The following COL4A2 variants were observed in gnomAD, a reference collection of about 807,000 sequenced individuals.
The protein encoded by COL4A2 is collagen type IV alpha 2 chain, also known as collagen alpha-2(IV) chain.
COL4A2 carries 99 observed loss-of-function variants against 200.2 expected under a neutral mutation model. The observed-to-expected ratio is 0.49, with a 90% CI of 0.42 to 0.58. COL4A2 has a LOEUF of 0.58. Among genes scored for constraint, COL4A2 ranks in the 20% least tolerant of loss-of-function variants. The pLI is 0.00. For missense variants in COL4A2, 1,950 were observed against 2,314.1 expected, an observed-to-expected ratio of 0.84 and a Z score of 3.23; for synonymous variants, 897 against 900.6, an observed-to-expected ratio of 1.00 and a Z score of 0.07.
rs10624085 is a variant in COL4A2, at chr13:110,480,014, T to TCAAC, written c.2588-204_2588-201dup. Among the ~76,000 whole-genome samples the TCAAC allele has an allele frequency of 0.81, 122,125 of 151,704 alleles. 49,243 individuals are homozygous for TCAAC. The highest frequency in any genetic ancestry group is 0.89 in the Middle Eastern group (263 of 294). On this transcript the variant is annotated intron_variant, in intron 30 of 47. Transcript: ENST00000360467. ...TGGCTGGCACCCCGCCAGCACAGCCTCAACCTCCAGATACAGACCTCTCCA... is the reference window on the plus strand; with the variant it reads ...TGGCTGGCACCCCGCCAGCACAGCCTCAACCAACCTCCAGATACAGACCTCTCCA...
intron 3 of COL4A2, among the ~76,000 whole-genome samples, chr13:110,338,612 A>T (rs903937246): frequency 6.6e-6 from 1 of 152,228 alleles, no homozygotes; most frequent in Non-Finnish European, 1.5e-5. Context: ...GGGATGGTTT[A>T]TCTGGAAGAT....
At chr13:110,504,296 T>C (rs562279400) in intron 45 of COL4A2, 32 bp downstream of exon 45, 2 of 1,534,806 alleles carry the variant, frequency 1.3e-6, no homozygotes, top group African/African-American at 1.4e-5. Context: ...CCTTCCCAGG[T>C]CCTAGTGCTC....
chr13:110,493,424 G>C (rs531588117), intron 39 of COL4A2, 142 bp downstream of exon 39: 5 of 802,810 alleles, frequency 6.2e-6, no homozygotes, highest in South Asian at 1.7e-5. Flanking sequence ...GCGATCGGCC[G>C]TGAGGGGCGG....
Position 110,473,258 on chromosome 13 carries a change from T to C in COL4A2, c.2425+108T>C, listed in dbSNP as rs1882552187. 1.5e-5 allele frequency: 16 copies of C among 1,054,022 alleles called. No individual in the cohort carries two copies. In the South Asian group the frequency reaches 2.5e-4, roughly 16 times the overall value. 65.3% of individuals were successfully genotyped at this position (1,054,022 alleles called of 1,614,324 possible). A position where few individuals can be genotyped will look rare whatever the true frequency, so the allele number is the denominator to read the frequency against. On this transcript the variant is annotated intron_variant, in intron 29 of 47. Transcript: ENST00000360467. ...TTTGGTAGGAAGCAGCGGTGCCCTA[T>C]AGTGCTAGCCATGCGTACCTTCTCC...
At chr13:110,338,324 A>G (rs553402222) in intron 3 of COL4A2, among the ~76,000 whole-genome samples, 5 of 152,184 alleles carry the variant, frequency 3.3e-5, no homozygotes, top group Middle Eastern at 3.4e-3. Context: ...TGCAATGGAA[A>G]ACAGTGAGGG....
intron 3 of COL4A2, among the ~76,000 whole-genome samples, chr13:110,326,968 G>A (rs1010975417): frequency 5.3e-5 from 8 of 152,230 alleles, no homozygotes; most frequent in Non-Finnish European, 1.2e-4. Context: ...CCTGTTTAAT[G>A]TATCCCCTCC....
intron 4 of COL4A2, among the ~76,000 whole-genome samples, chr13:110,396,130 T>C (rs1879172377): frequency 6.6e-6 from 1 of 152,146 alleles, no homozygotes; most frequent in Admixed American, 6.6e-5. Flanking sequence ...TTATTCAGAG[T>C]GTACCCATAT....
intron 4 of COL4A2, among the ~76,000 whole-genome samples, chr13:110,358,954 A>G (rs1331481767): frequency 1.3e-5 from 2 of 152,224 alleles, no homozygotes; most frequent in African/African-American, 4.8e-5. Flanking sequence ...ATGTGTGTAT[A>G]TATGTGCATA....
At chr13:110,474,607 CATG>C (rs1392852660) in intron 29 of COL4A2, among the ~76,000 whole-genome samples, 1 of 152,232 alleles carries the variant, frequency 6.6e-6, no homozygotes, top group Admixed American at 6.5e-5. Context: ...CATGCTCACA[CATG>C]ATCACATACA....
In COL4A2 at chr13:110,379,783, G is replaced by C. The variant is rs976470669; in HGVS notation, c.180+22231G>C. ...CCCCACTCCCTAGGTGGCTATGCCT[G>C]TGCACCCCTAACACATGAGAGCCAC... is the stretch of plus-strand genomic sequence containing the variant. On this transcript the variant is annotated intron_variant, in intron 4 of 47. Coordinates refer to ENST00000360467, the MANE Select transcript of COL4A2 (RefSeq NM_001846.4). 7.2e-5 allele frequency among the ~76,000 whole-genome samples: 11 copies of C among 152,300 alleles called. No homozygotes were observed. In the South Asian group the frequency reaches 1.0e-3, roughly 14 times the overall value.
intron 4 of COL4A2, among the ~76,000 whole-genome samples, chr13:110,423,034 T>A (rs1464682004): frequency 3.5e-5 from 1 of 28,618 alleles, no homozygotes; most frequent in African/African-American, 1.1e-4. Flanking sequence ...GAAAAATGGC[T>A]CAAGTTCCCC....
At chr13:110,360,159 A>G (rs1877453670) in intron 4 of COL4A2, among the ~76,000 whole-genome samples, 1 of 152,162 alleles carries the variant, frequency 6.6e-6, no homozygotes, top group African/African-American at 2.4e-5. Context: ...TCAGCCTTAT[A>G]TGGGCATGGA....
chr13:110,505,078 C>T (rs758377472), intron 45 of COL4A2, among the ~76,000 whole-genome samples: 43 of 151,652 alleles, frequency 2.8e-4, no homozygotes, highest in Admixed American at 5.9e-4. Flanking sequence ...GGGCCGGGCG[C>T]GGTGGCTCAC....
chr13:110,503,935 G>T lies in COL4A2; in HGVS notation c.4227G>T (p.Arg1409Ser). The part of the protein sequence containing the change: ...VQPGTVGPQG[R>S]RGPPGAPGEM... ...CAGGGACAGTGGGTCCCCAGGGGAG[G>T]CGAGGCCCCCCTGGGGCACCGGGGG... Residue 1409 changes from arginine (R) to serine (S), a missense_variant, in exon 44 of 48, where the codon AGG becomes AGT. Transcript: ENST00000360467. 1.3e-6 allele frequency: 2 copies of T among 1,582,776 alleles called. No homozygotes were observed. Among genetic ancestry groups the T allele is most frequent in the Non-Finnish European group, 1.7e-6 (2 of 1,158,376 alleles).
At position 110,449,743 on chromosome 13, in the gene COL4A2, A is replaced by G. The variant is rs1302112241; in HGVS notation, c.1143A>G (p.Gly381=). The change falls in exon 19 of 48, where the codon GGA becomes GGG. Residue 381 remains glycine (G), a synonymous_variant. Transcript: ENST00000360467. ...AGCCAGGAAGCCAGGGTGAGCCAGG[A>G]GACCCGGGCCTCCCAGGTCCCCCTG... ...QGEPGSQGEP[G]DPGLPGPPGL... The G allele has an allele frequency of 6.5e-7, 1 of 1,549,240 alleles. No individual in the cohort carries two copies. The highest frequency in any genetic ancestry group is 1.4e-5 in the African/African-American group (1 of 72,920).
intron 12 of COL4A2, among the ~76,000 whole-genome samples, chr13:110,435,748 C>T (rs1448633611): frequency 6.6e-6 from 1 of 152,202 alleles, no homozygotes; most frequent in African/African-American, 2.4e-5. Context: ...CTGTGCACCA[C>T]ATCAAAAAGT....
chr13:110,511,738 C>T (rs1172012296), intron 47 of COL4A2, among the ~76,000 whole-genome samples, 196 bp from the exon 48 acceptor site: 1 of 149,028 alleles, frequency 6.7e-6, no homozygotes, highest in Non-Finnish European at 1.5e-5. Context: ...CTGGGGCTGC[C>T]TCCTGCAGGG....
chr13:110,482,219 G>C (rs1305698716), intron 31 of COL4A2, among the ~76,000 whole-genome samples: 1 of 152,224 alleles, frequency 6.6e-6, no homozygotes, highest in African/African-American at 2.4e-5. Flanking sequence ...GGGCCTGTGG[G>C]CCAGTGAACC....
At chr13:110,429,856 T>C (rs1377114162) in intron 7 of COL4A2, 29 bp from the exon 8 acceptor site, 3 of 1,610,282 alleles carry the variant, frequency 1.9e-6, no homozygotes, top group Non-Finnish European at 8.5e-7. Flanking sequence ...TTTGTTGTTT[T>C]TTCTTTTTAC....
Sources: allele counts gnomAD v4.1 joint callset (sites outside exome capture counted in the v4.1 genomes callset), GRCh38; gene constraint gnomAD v4.1.1; transcripts MANE v1.5; gene names NCBI Gene and HGNC (gene_info 2026-07-23, HGNC 2026-07-21).